The following NPIPB2 variants were observed in gnomAD, a reference collection of about 807,000 sequenced individuals.
NPIPB2 encodes nuclear pore complex interacting protein family member B2, also known as nuclear pore complex-interacting protein family member B2.
In NPIPB2, 27 loss-of-function variants were observed where a neutral mutation model predicts 30.8. The ratio of observed to expected loss-of-function variants is 0.88; its 90% confidence interval spans 0.65 to 1.21. NPIPB2 has a LOEUF of 1.21. Among genes scored for constraint, NPIPB2 ranks in the 50% most tolerant of loss-of-function variants. NPIPB2 has a pLI of 0.00. For synonymous variants in NPIPB2, 147 were observed against 162.0 expected, an observed-to-expected ratio of 0.91 and a Z score of 0.70; for missense variants, 440 against 446.2, an observed-to-expected ratio of 0.99 and a Z score of 0.13.
At chr16:11,966,108 C>T in intron 1 of NPIPB2, 1 of 1,382,442 alleles carries the variant, frequency 7.2e-7, no homozygotes, top group Non-Finnish European at 9.7e-7. Flanking sequence ...AAGACTTTGT[C>T]TCAAAATAAA....
At chr16:11,976,249 C>G (rs1401148573) in intron 1 of NPIPB2, among the ~76,000 whole-genome samples, 3 of 152,180 alleles carry the variant, frequency 2.0e-5, no homozygotes, top group South Asian at 2.1e-4. Context: ...CTCATCCCCT[C>G]GCTCCTGTCA....
intron 1 of NPIPB2, among the ~76,000 whole-genome samples, chr16:11,953,913 T>G (rs1369722457): frequency 1.3e-5 from 2 of 151,900 alleles, no homozygotes; most frequent in Non-Finnish European, 2.9e-5. Context: ...TGACCTCAAG[T>G]GATTTGCCCG....
At chr16:11,927,314 G>C, downstream of NPIPB2, 1 of 779,310 alleles carries the variant, frequency 1.3e-6, no homozygotes, top group Non-Finnish European at 2.2e-6. Flanking sequence ...TTTGGAGTGT[G>C]GGTTTTGTTT....
chr16:11,951,666 A>ACACACACACCC, intron 1 of NPIPB2, among the ~76,000 whole-genome samples: 1 of 138,874 alleles, frequency 7.2e-6, no homozygotes, highest in Non-Finnish European at 1.6e-5. Context: ...ACACACACAC[A>ACACACACACCC]CCCAGCCCCC....
chr16:11,967,119 G>A, intron 1 of NPIPB2: 1 of 200,176 alleles, frequency 5.0e-6, no homozygotes, highest in South Asian at 6.8e-5. Context: ...TCCCATCTCA[G>A]CCTCCTGAGT....
At position 11,927,435 on chromosome 16, in the gene NPIPB2, A is replaced by G. The variant is rs57225110; in HGVS notation, c.1132T>C (p.Ser378Pro). Residue 378 changes from serine to proline, a missense_variant, in exon 8 of 8, where the codon TCA becomes CCA. By Grantham distance (74) the Ser-to-Pro change is moderately conservative. Coordinates refer to ENST00000399147, the Ensembl canonical transcript of NPIPB2. ...AACCTCCGCCTCTTGGGCTCGGGTG[A>G]TGATGGTTCCACCTCAGCGGCCCTC... The G allele has an allele frequency of 4.2e-3, 4,998 of 1,182,836 alleles. 47 individuals are homozygous for G. Among genetic ancestry groups the G allele is most frequent in the South Asian group, 9.8e-3 (730 of 74,762 alleles). 73.3% of individuals were successfully genotyped at this position (1,182,836 alleles called of 1,614,324 possible). A position where few individuals can be genotyped will look rare whatever the true frequency, so the allele number is the denominator to read the frequency against.
chr16:11,939,878 A>G (rs1420100645), intron 1 of NPIPB2, among the ~76,000 whole-genome samples: 1 of 66,458 alleles, frequency 1.5e-5, no homozygotes, highest in Non-Finnish European at 3.5e-5. Flanking sequence ...TTAGAGAACC[A>G]TACAACAATG....
intron 4 of NPIPB2, among the ~76,000 whole-genome samples, chr16:11,933,129 T>C (rs916988394): frequency 2.0e-5 from 3 of 151,314 alleles, no homozygotes; most frequent in South Asian, 2.1e-4. Context: ...GGCGTGGTGG[T>C]GGGCACCTGT....
At chr16:11,938,790 C>T (rs2054901298) in intron 1 of NPIPB2, among the ~76,000 whole-genome samples, 1 of 152,060 alleles carries the variant, frequency 6.6e-6, no homozygotes, top group Non-Finnish European at 1.5e-5. Flanking sequence ...GCTCTGTCAC[C>T]CAGGCTAGAT....
intron 1 of NPIPB2, among the ~76,000 whole-genome samples, chr16:11,972,654 CATGAAGTCAAGAG>C (rs2055242896): frequency 6.6e-6 from 1 of 151,690 alleles, no homozygotes; most frequent in Admixed American, 6.6e-5. Flanking sequence ...GCAGGCAGAT[CATGAAGTCAAGAG>C]ATTGAGTCCA....
chr16:11,946,298 T>C (rs1175644480), upstream of NPIPB2, among the ~76,000 whole-genome samples: 1 of 148,726 alleles, frequency 6.7e-6, no homozygotes, highest in Non-Finnish European at 1.5e-5. Context: ...GGCAGGAGAA[T>C]TGCTTGAACC....
chr16:11,975,906 C>G (rs893272912), intron 1 of NPIPB2, among the ~76,000 whole-genome samples: 21 of 151,688 alleles, frequency 1.4e-4, no homozygotes, highest in Admixed American at 4.0e-4. Flanking sequence ...GGAGCCATAT[C>G]TTAAAACCTA....
At chr16:11,965,213 G>A (rs2055184044) in intron 1 of NPIPB2, 3 of 1,447,774 alleles carry the variant, frequency 2.1e-6, no homozygotes, top group Admixed American at 1.9e-5. Context: ...GAAGTTCATT[G>A]TTCTCAACAT....
At chr16:11,947,092 A>C (rs1466021170) in intron 1 of NPIPB2, among the ~76,000 whole-genome samples, 2 of 146,818 alleles carry the variant, frequency 1.4e-5, no homozygotes, top group Non-Finnish European at 3.0e-5. Flanking sequence ...TAATATATAA[A>C]ATAAAATTCA....
intron 1 of NPIPB2, among the ~76,000 whole-genome samples, chr16:11,962,339 A>T (rs992974946): frequency 2.0e-5 from 3 of 151,974 alleles, no homozygotes; most frequent in African/African-American, 7.3e-5. Flanking sequence ...TCTCTACTAA[A>T]AATACAAATA....
At chr16:11,936,059 C>A (rs2054862439) in intron 2 of NPIPB2, among the ~76,000 whole-genome samples, 1 of 149,640 alleles carries the variant, frequency 6.7e-6, no homozygotes, top group African/African-American at 2.5e-5. Flanking sequence ...AATCCCAGCA[C>A]TTGGGGAGGC....
At position 11,969,307 on chromosome 16, in the gene NPIPB2, G is replaced by A. The variant is rs11570166; in HGVS notation, c.-584+7261C>T. ...CAGTCTCGCTCTGTCGTTGACACGG[G>A]AGTGCAGTGGTGCGATCTCAGCTCA... On this transcript the variant is annotated intron_variant, in intron 1 of 5. Coordinates refer to the NPIPB2 transcript ENST00000538896. 4.8e-3 allele frequency among the ~76,000 whole-genome samples: 732 copies of A among 152,116 alleles called. 5 individuals are homozygous for A. Among genetic ancestry groups the A allele is most frequent in the Non-Finnish European group, 6.7e-3 (459 of 68,006 alleles).
At chr16:11,933,904 G>T (rs767223113) in exon 3 of NPIPB2, 2 of 1,553,582 alleles carry the variant, frequency 1.3e-6, no homozygotes, top group South Asian at 2.2e-5. Context: ...CAGACTGGAA[G>T]ATAGTCTTCA....
rs866127845 is a variant in NPIPB2 at position 11,967,623 on chromosome 16, G to A, written c.-584+8945C>T. 6.2e-7 allele frequency: 1 copy of A among 1,614,222 alleles called. No individual in the cohort carries two copies. The highest frequency in any genetic ancestry group is 1.3e-5 in the African/African-American group (1 of 75,060). On this transcript the variant is annotated intron_variant, in intron 1 of 5. Transcript: ENST00000538896. ...TGACCTGGAAAAGAGCAGGACTGGT[G>A]ATGAAATTATTCTTCCGAGAGGCCT...
Sources: gnomAD v4.1 joint callset for allele counts (sites outside exome capture counted in the v4.1 genomes callset) on GRCh38, gnomAD v4.1.1 for gene constraint, MANE v1.5 for transcripts, NCBI Gene and HGNC (gene_info 2026-07-23, HGNC 2026-07-21) for gene names.